MORN3: variants seen among roughly 807,000 people sequenced by gnomAD.
MORN3 encodes the protein MORN repeat containing 3.
MORN3 carries 38 observed loss-of-function variants against 34.7 expected under a neutral mutation model. That is an observed-to-expected ratio of 1.10 (90% CI 0.85 to 1.44). MORN3 has a LOEUF of 1.44. Ranked by LOEUF, MORN3 falls within the 40% of genes most tolerant of loss-of-function variation. MORN3 has a pLI of 0.00. For synonymous variants in MORN3, 109 were observed against 115.3 expected (o/e 0.95, Z 0.35); for missense variants, 311 against 321.7 (o/e 0.97, Z 0.25).
chr12:121,669,062 GC>G (rs1893865049), intron 1 of MORN3, among the ~76,000 whole-genome samples: 2 of 152,184 alleles, frequency 1.3e-5, no homozygotes, highest in Admixed American at 6.6e-5. Flanking sequence ...CAGGAACTGA[GC>G]CCCCTAGGTC....
chr12:121,654,201 C>G, intron 3 of MORN3, 73 bp downstream of exon 3: 1 of 1,309,794 alleles, frequency 7.6e-7, no homozygotes, highest in South Asian at 1.4e-5. Flanking sequence ...CTCTGTGGGA[C>G]CAAATGGGCG....
intron 2 of MORN3, among the ~76,000 whole-genome samples, chr12:121,658,330 G>C (rs1555325912): frequency 6.6e-6 from 1 of 152,114 alleles, no homozygotes; most frequent in African/African-American, 2.4e-5. Flanking sequence ...ACTTTGGAAG[G>C]CCGAGGCGGG....
At chr12:121,652,327 G>A (rs1469020665) in intron 5 of MORN3, among the ~76,000 whole-genome samples, 2 of 151,968 alleles carry the variant, frequency 1.3e-5, no homozygotes, top group Admixed American at 6.6e-5. Flanking sequence ...TTCACCTCCC[G>A]GGTTCAAGTG....
At chr12:121,666,165 CTTAT>C (rs1053093451) in intron 1 of MORN3, among the ~76,000 whole-genome samples, 4 of 152,144 alleles carry the variant, frequency 2.6e-5, no homozygotes, top group African/African-American at 9.6e-5. Flanking sequence ...CCGTGTCTCA[CTTAT>C]TTATTTATTT....
chr12:121,666,367 G>A (rs1235315598), intron 1 of MORN3, among the ~76,000 whole-genome samples: 1 of 152,006 alleles, frequency 6.6e-6, no homozygotes, highest in Non-Finnish European at 1.5e-5. Context: ...GGCTGGGCGT[G>A]GTGGTGTGTG....
chr12:121,654,494 G>C, intron 2 of MORN3, 61 bp from the exon 3 acceptor site: 1 of 1,494,798 alleles, frequency 6.7e-7, no homozygotes, highest in Non-Finnish European at 9.0e-7. Flanking sequence ...AAAGCCCACC[G>C]TCTTCCCAGG....
chr12:121,652,975 G>T (rs1555325241), intron 4 of MORN3, 100 bp downstream of exon 4: 3 of 1,452,280 alleles, frequency 2.1e-6, no homozygotes. Context: ...CCCTGTCTGG[G>T]CTTGGCTGGG....
Position 121,669,469 on chromosome 12 carries a change from C to G in MORN3, c.15G>C (p.Lys5Asn), listed in dbSNP as rs766393453. Residue 5 changes from lysine to asparagine, a missense_variant, in exon 1 of 6, where the codon AAG becomes AAC. Transcript: ENST00000355329. ...ACAGGGACTCCGACTTTTTTGGGCACTTAGAGACTGGCATGGTGGCTGCTT... is the reference window on the plus strand; with the variant it reads ...ACAGGGACTCCGACTTTTTTGGGCAGTTAGAGACTGGCATGGTGGCTGCTT... Reference protein sequence around the residue: MPVSKCPKKSESLWK... With the variant: MPVSNCPKKSESLWK... The G allele has an allele frequency of 6.2e-7, 1 of 1,613,760 alleles. No homozygotes were observed.
intron 1 of MORN3, among the ~76,000 whole-genome samples, chr12:121,666,219 G>A (rs1225916897): frequency 6.6e-6 from 1 of 151,656 alleles, no homozygotes; most frequent in African/African-American, 2.4e-5. Flanking sequence ...ACGGGGTCTC[G>A]CTATATTGCC....
intron 1 of MORN3, 119 bp downstream of exon 1, chr12:121,669,220 G>T: frequency 7.3e-7 from 1 of 1,374,658 alleles, no homozygotes. Flanking sequence ...CGCTCACCCT[G>T]GGGGAGCCTT....
At chr12:121,654,741 AC>A (rs1893365625) in intron 2 of MORN3, among the ~76,000 whole-genome samples, 1 of 151,214 alleles carries the variant, frequency 6.6e-6, no homozygotes. Context: ...GGGATTACAA[AC>A]ACGCATCACC....
At chr12:121,668,983 A>C (rs1341311051) in intron 1 of MORN3, among the ~76,000 whole-genome samples, 1 of 152,086 alleles carries the variant, frequency 6.6e-6, no homozygotes. Flanking sequence ...ACCCCACTGC[A>C]AGCTGGCTTC....
At chr12:121,668,647 G>A (rs879640951) in intron 1 of MORN3, among the ~76,000 whole-genome samples, 2 of 152,128 alleles carry the variant, frequency 1.3e-5, no homozygotes, top group African/African-American at 2.4e-5. Flanking sequence ...CCAGGATCTC[G>A]AGGCTGCAGT....
intron 1 of MORN3, among the ~76,000 whole-genome samples, chr12:121,668,314 G>A (rs1315200210): frequency 6.6e-5 from 10 of 151,834 alleles, no homozygotes; most frequent in Admixed American, 2.6e-4. Context: ...AGGCCGAGGC[G>A]GGCGGATCAC....
At position 121,651,224 on chromosome 12, in the gene MORN3, T is replaced by A. The variant is rs1201018647; in HGVS notation, c.*427A>T. On this transcript the variant is annotated 3_prime_UTR_variant, in exon 6 of 6. Coordinates refer to ENST00000355329, the MANE Select transcript of MORN3 (RefSeq NM_173855.5). ...AGTCCTCTTACCTTGGCCTCCCAAGTTCTGGGATTACAGGAATGAGCCACT... is the reference window on the plus strand; with the variant it reads ...AGTCCTCTTACCTTGGCCTCCCAAGATCTGGGATTACAGGAATGAGCCACT... 1.3e-5 allele frequency: 2 copies of A among 152,084 alleles called. No homozygotes were observed. The highest frequency in any genetic ancestry group is 4.8e-5 in the African/African-American group (2 of 41,380). 9.4% of individuals were successfully genotyped at this position (152,084 alleles called of 1,614,324 possible).
chr12:121,666,265 C>A, intron 1 of MORN3, among the ~76,000 whole-genome samples: 1 of 152,030 alleles, frequency 6.6e-6, no homozygotes. Flanking sequence ...CAAGCTATCT[C>A]CCACCTCTGC....
In MORN3 at chr12:121,649,704, CA is replaced by C. The variant is rs1373711244; in HGVS notation, c.*1946del. Reference sequence around the variant, plus strand: ...ATCGTGGTATTTCAGGGTTTCTCAACATTTTTTTTTTTTTTTTTTTTGGAGA... The same window carrying C: ...ATCGTGGTATTTCAGGGTTTCTCAACTTTTTTTTTTTTTTTTTTTTGGAGA... On this transcript the variant is annotated 3_prime_UTR_variant, in exon 6 of 6. Transcript: ENST00000355329. 4 of 142,460 alleles carry C rather than the reference CA, an allele frequency of 2.8e-5. No individual in the cohort carries two copies. The East Asian group carries it at 8.2e-4, about 29-fold the overall frequency. 8.8% of individuals were successfully genotyped at this position (142,460 alleles called of 1,614,324 possible).
upstream of MORN3, among the ~76,000 whole-genome samples, chr12:121,670,682 G>T (rs1285403418): frequency 6.6e-6 from 1 of 151,890 alleles, no homozygotes; most frequent in African/African-American, 2.4e-5. Context: ...GGTGGTACGC[G>T]CCTGTAATCC....
intron 5 of MORN3, 143 bp downstream of exon 5, chr12:121,652,585 G>A (rs1893283504): frequency 7.4e-6 from 5 of 676,580 alleles, no homozygotes; most frequent in Admixed American, 2.6e-5. Context: ...GACTGTAGGA[G>A]GCAAGAAGCC....
Sources: gnomAD v4.1 joint callset for allele counts (sites outside exome capture counted in the v4.1 genomes callset) on GRCh38, gnomAD v4.1.1 for gene constraint, MANE v1.5 for transcripts, NCBI Gene and HGNC (gene_info 2026-07-23, HGNC 2026-07-21) for gene names.